Variants in EIF2D observed in about 807,000 individuals in gnomAD.
EIF2D encodes eukaryotic translation initiation factor 2D, also known as hepatocellular carcinoma-associated antigen 56.
In EIF2D, 56 loss-of-function variants were observed where a neutral mutation model predicts 77.4. That is an observed-to-expected ratio of 0.72 (90% CI 0.58 to 0.90). The LOEUF is 0.90. EIF2D is among the 40% of genes least tolerant of loss of function. The pLI is 0.00. For synonymous variants in EIF2D, 230 were observed against 271.0 expected, an observed-to-expected ratio of 0.85 and a Z score of 1.49; for missense variants, 574 against 706.5, an observed-to-expected ratio of 0.81 and a Z score of 2.13.
chr1:206,580,943 G>C (rs894861182), exon 3 of EIF2D: 8 of 152,226 alleles, frequency 5.3e-5, no homozygotes, highest in Admixed American at 6.5e-5. Context: ...ACAGGCTTTG[G>C]TTTAACAGCT....
At chr1:206,589,630 C>G (rs534481809), downstream of EIF2D, among the ~76,000 whole-genome samples, 1 of 152,050 alleles carries the variant, frequency 6.6e-6, no homozygotes, top group South Asian at 2.1e-4. Context: ...TCTTCTACTT[C>G]TGGAATTATT....
chr1:206,595,592 T>C (rs111861846), intron 13 of EIF2D, 126 bp downstream of exon 13: 1 of 1,191,722 alleles, frequency 8.4e-7, no homozygotes, highest in African/African-American at 1.5e-5. Flanking sequence ...TAAACACGGG[T>C]GTTTCATAAA....
chr1:206,580,278 T>C (rs1347178010), intron 4 of EIF2D, among the ~76,000 whole-genome samples: 4 of 152,244 alleles, frequency 2.6e-5, no homozygotes, highest in Admixed American at 2.0e-4. Context: ...CTGCCTTTTC[T>C]TACGGGGAAA....
intron 2 of EIF2D, chr1:206,585,495 A>G (rs914778172): frequency 1.0e-4 from 48 of 479,256 alleles, no homozygotes; most frequent in South Asian, 1.9e-4. Flanking sequence ...GGGGTAGCAC[A>G]TTAGGGCCTG....
At chr1:206,575,248 G>A (rs1553404987) in intron 4 of EIF2D, among the ~76,000 whole-genome samples, 1 of 152,172 alleles carries the variant, frequency 6.6e-6, no homozygotes, top group Non-Finnish European at 1.5e-5. Flanking sequence ...GCTGCAGATG[G>A]ACATTCTCCT....
intron 2 of EIF2D, among the ~76,000 whole-genome samples, chr1:206,581,650 A>T (rs1007089435): frequency 6.6e-6 from 1 of 151,162 alleles, no homozygotes; most frequent in Non-Finnish European, 1.5e-5. Flanking sequence ...AGAGAGAGAG[A>T]GAAAGAAAAG....
At position 206,583,232 on chromosome 1, in the gene EIF2D, T is replaced by C. The variant is rs1553406728; in HGVS notation, c.139-2070A>G. On this transcript the variant is annotated intron_variant and NMD_transcript_variant, in intron 2 of 5. Coordinates refer to the EIF2D transcript ENST00000472709. ...TTGTTCCCTTTCTCACCCTGAGAACTACTACACATCCACCTCCACTTCTGT... is the reference window on the plus strand; with the variant it reads ...TTGTTCCCTTTCTCACCCTGAGAACCACTACACATCCACCTCCACTTCTGT... 3 of 1,372,016 alleles carry C rather than the reference T, an allele frequency of 2.2e-6. No homozygotes were observed. The South Asian group carries it at 3.5e-5, about 16-fold the overall frequency. 85.0% of individuals were successfully genotyped at this position (1,372,016 alleles called of 1,614,324 possible).
At position 206,599,782 on chromosome 1, in the gene EIF2D, G is replaced by A; in HGVS notation, c.1003C>T (p.Leu335=). 1 of 1,614,118 alleles carries A rather than the reference G, an allele frequency of 6.2e-7. No individual in the cohort carries two copies. Among genetic ancestry groups the A allele is most frequent in the Non-Finnish European group, 8.5e-7 (1 of 1,180,022 alleles). ...ACAATGCTCTCCACCCCTTTGCTCAGCTCCTTCACCTGTATAATCTGCTCC... is the reference window on the plus strand; with the variant it reads ...ACAATGCTCTCCACCCCTTTGCTCAACTCCTTCACCTGTATAATCTGCTCC... ...QQEQIIQVKE[L]SKGVESIVAV... is the part of the protein sequence containing the mutation. Residue 335 remains leucine (L), a synonymous_variant, in exon 9 of 15, where the codon CTG becomes TTG. Transcript: ENST00000271764. This position sits in a 1 kb window ranked among gnomAD's most constrained non-coding sequence, Gnocchi z 4.1.
At chr1:206,585,329 T>G in intron 2 of EIF2D, 6 of 1,521,794 alleles carry the variant, frequency 3.9e-6, no homozygotes, top group Non-Finnish European at 5.5e-6. Context: ...ACCCAGGCCT[T>G]AGGGCACCCT....
At chr1:206,578,318 T>TA (rs1164625990) in intron 4 of EIF2D, among the ~76,000 whole-genome samples, 13 of 152,098 alleles carry the variant, frequency 8.5e-5, no homozygotes, top group Admixed American at 8.5e-4. Flanking sequence ...AGATGTAGGT[T>TA]AGCTTTAACC....
Position 206,599,037 on chromosome 1 carries a change from T to A in EIF2D, c.1258A>T (p.Lys420Ter). 1 of 1,614,202 alleles carries A rather than the reference T, an allele frequency of 6.2e-7. No individual in the cohort carries two copies. The highest frequency in any genetic ancestry group is 8.5e-7 in the Non-Finnish European group (1 of 1,180,032). ...TCTGCATCAACCAGGTCATTTTTCT[T>A]GGCGTAGTTAATGACGATCGTTCGG... ...EVRTIVINYA[K>*]KNDLVDADNK... Residue 420 changes from lysine (K) to a stop codon, truncating the protein, a stop_gained, in exon 11 of 15, where the codon AAG (lysine) becomes TAG (stop). Coordinates refer to ENST00000271764, the MANE Select transcript of EIF2D (RefSeq NM_006893.3). LOFTEE classifies it high-confidence loss of function. The surrounding 1 kb of genome is among the most constrained non-coding windows in gnomAD (Gnocchi z 4.1).
At chr1:206,608,722 C>A (rs1366334749) in intron 3 of EIF2D, among the ~76,000 whole-genome samples, 1 of 152,212 alleles carries the variant, frequency 6.6e-6, no homozygotes, top group African/African-American at 2.4e-5. Flanking sequence ...TTGACTTCCA[C>A]TCCAGACTCA....
At position 206,595,670 on chromosome 1, in the gene EIF2D, A is replaced by C. The variant is rs782038945; in HGVS notation, c.1509+48T>G. 5.6e-6 allele frequency: 9 copies of C among 1,593,240 alleles called. No homozygotes were observed. In the South Asian group the frequency reaches 1.0e-4, roughly 18 times the overall value. On this transcript the variant is annotated intron_variant, in intron 13 of 14. Transcript: ENST00000271764. ...CACATTAGGGAGACCAGAACTTGGC[A>C]AGAACATTAAATCACTATCCTTGAA... is the stretch of plus-strand genomic sequence containing the variant.
At chr1:206,594,887 C>G (rs949225564) in intron 13 of EIF2D, 2 of 152,070 alleles carry the variant, frequency 1.3e-5, no homozygotes, top group Non-Finnish European at 2.9e-5. Flanking sequence ...TAAATAGTGA[C>G]TGTTACTAAT....
chr1:206,577,485 G>T (rs782148119), intron 4 of EIF2D, among the ~76,000 whole-genome samples: 11 of 152,192 alleles, frequency 7.2e-5, no homozygotes, highest in Non-Finnish European at 1.3e-4. Flanking sequence ...GACAATAAGG[G>T]ATTTTTATCC....
At chr1:206,589,086 G>A (rs192770805), downstream of EIF2D, 43 of 152,852 alleles carry the variant, frequency 2.8e-4, no homozygotes, top group Non-Finnish European at 1.5e-5. Context: ...CCTATGCTGA[G>A]GTCTAAACCT....
chr1:206,575,583 C>T (rs142767217), intron 4 of EIF2D, among the ~76,000 whole-genome samples: 193 of 152,214 alleles, frequency 1.3e-3, no homozygotes, highest in African/African-American at 4.4e-3. Context: ...TGCCATTCAG[C>T]CATGCTAGCT....
chr1:206,604,180 C>T lies in EIF2D; in HGVS notation c.531-976G>A, dbSNP rs565564843. Among the ~76,000 whole-genome samples, 22 of 152,298 alleles carry T rather than the reference C, an allele frequency of 1.4e-4. No homozygotes were observed. The East Asian group carries it at 2.5e-3, about 17-fold the overall frequency. Reference sequence around the variant, plus strand: ...AAGTCCGGCGGGGAGCGGTGGCTCACGCCTGTAATCTCAGCACTTTGGGAG... The same window carrying T: ...AAGTCCGGCGGGGAGCGGTGGCTCATGCCTGTAATCTCAGCACTTTGGGAG... On this transcript the variant is annotated intron_variant, in intron 5 of 14. Coordinates refer to ENST00000271764, the MANE Select transcript of EIF2D (RefSeq NM_006893.3).
At chr1:206,585,064 C>T (rs1416167976) in intron 2 of EIF2D, 16 of 724,078 alleles carry the variant, frequency 2.2e-5, no homozygotes, top group Non-Finnish European at 3.1e-5. Context: ...TTAAAAGGCC[C>T]GTGTCTACTT....
Sources: gnomAD v4.1 joint callset for allele counts (sites outside exome capture counted in the v4.1 genomes callset) on GRCh38, gnomAD v4.1.1 for gene constraint, Gnocchi (gnomAD v3.1) non-coding constraint, MANE v1.5 for transcripts, NCBI Gene and HGNC (gene_info 2026-07-23, HGNC 2026-07-21) for gene names.